FBXL17: variants seen among roughly 807,000 people sequenced by gnomAD.
FBXL17 encodes F-box/LRR-repeat protein 17.
A neutral mutation model predicts 66.2 loss-of-function variants in FBXL17; 22 were observed. The ratio of observed to expected loss-of-function variants is 0.33; its 90% CI spans 0.24 to 0.47. The LOEUF is 0.47. Ranked by LOEUF, FBXL17 falls within the 20% of genes least tolerant of loss-of-function variation. The probability of loss-of-function intolerance (pLI) is 1.00; values close to 1 mark genes in which losing one functional copy is unlikely to be tolerated. For synonymous variants in FBXL17, 474 were observed against 400.5 expected (o/e 1.18, Z -2.19); for missense variants, 878 against 948.2 (o/e 0.93, Z 0.97).
rs114291365 is a variant in FBXL17, at chr5:108,114,196, A to G, written c.1745+71921T>C. ...AGAGTTTATACTCCATTGTACGAAC[A>G]TAACATGTACATATTTTACATAATC... On this transcript the variant is annotated intron_variant, in intron 6 of 8. Coordinates refer to ENST00000542267, the MANE Select transcript of FBXL17 (RefSeq NM_001163315.3). 1.6e-3 allele frequency among the ~76,000 whole-genome samples: 250 copies of G among 152,316 alleles called. 1 individual carries two copies. The highest frequency in any genetic ancestry group is 5.8e-3 in the African/African-American group (242 of 41,580).
At chr5:107,905,546 T>C (rs933722268) in intron 7 of FBXL17, among the ~76,000 whole-genome samples, 3 of 152,192 alleles carry the variant, frequency 2.0e-5, no homozygotes, top group Non-Finnish European at 4.4e-5. Context: ...TGAGTATATA[T>C]TGTGAAAAAT....
chr5:108,129,103 G>T (rs569812026), intron 6 of FBXL17, among the ~76,000 whole-genome samples: 1 of 152,232 alleles, frequency 6.6e-6, no homozygotes, highest in African/African-American at 2.4e-5. Context: ...ACTATCATTA[G>T]TGGAAAATCT....
chr5:108,148,249 TA>T (rs1751635178), intron 6 of FBXL17, among the ~76,000 whole-genome samples: 1 of 144,798 alleles, frequency 6.9e-6, no homozygotes, highest in South Asian at 2.6e-4. Context: ...GTGTAATCAT[TA>T]AAATATCAGA....
intron 7 of FBXL17, among the ~76,000 whole-genome samples, chr5:108,008,334 T>C (rs1754017577): frequency 6.6e-6 from 1 of 152,216 alleles, no homozygotes; most frequent in African/African-American, 2.4e-5. Flanking sequence ...AGGTGTGTTA[T>C]AATGGCAAAG....
intron 7 of FBXL17, among the ~76,000 whole-genome samples, chr5:107,928,393 T>C (rs574653645): frequency 6.6e-6 from 1 of 151,162 alleles, no homozygotes; most frequent in East Asian, 1.9e-4. Context: ...TAGGATTCTT[T>C]CCAAGAGACA....
At chr5:108,096,382 C>A (rs1749368725) in intron 6 of FBXL17, among the ~76,000 whole-genome samples, 1 of 152,166 alleles carries the variant, frequency 6.6e-6, no homozygotes, top group African/African-American at 2.4e-5. Flanking sequence ...CTTAGTGTTA[C>A]AAGGCCCATT....
chr5:107,976,667 C>A (rs1023371609), intron 7 of FBXL17, among the ~76,000 whole-genome samples: 3 of 152,086 alleles, frequency 2.0e-5, no homozygotes, highest in African/African-American at 7.2e-5. Flanking sequence ...AAAAGGAACA[C>A]ATTTCATTTT....
Position 108,298,242 on chromosome 5 carries a change from T to C in FBXL17, c.1506+50157A>G, listed in dbSNP as rs1758429637. 7.1e-6 allele frequency: 7 copies of C among 984,460 alleles called. No homozygotes were observed. In the South Asian group the frequency reaches 2.4e-4, roughly 33 times the overall value. 61.0% of individuals were successfully genotyped at this position (984,460 alleles called of 1,614,324 possible). A position where few individuals can be genotyped will look rare whatever the true frequency, so the allele number is the denominator to read the frequency against. Reference sequence around the variant, plus strand: ...AATAACTTTTTGTCTATTTAAGTTATAGTCTTCTTGCTACTTCTTACTACT... The same window carrying C: ...AATAACTTTTTGTCTATTTAAGTTACAGTCTTCTTGCTACTTCTTACTACT... On this transcript the variant is annotated intron_variant, in intron 4 of 8. Coordinates refer to ENST00000542267, the MANE Select transcript of FBXL17 (RefSeq NM_001163315.3).
chr5:108,023,622 C>T (rs1163146534), intron 6 of FBXL17, among the ~76,000 whole-genome samples: 1 of 152,148 alleles, frequency 6.6e-6, no homozygotes, highest in Non-Finnish European at 1.5e-5. Context: ...CATTCTATAA[C>T]ATGCTTACAA....
chr5:107,877,864 G>A lies in FBXL17; in HGVS notation c.1965+3173C>T, dbSNP rs150336737. ...AATTTTGTTCTTTAATGCTTTGCTG[G>A]CACAGATGATCACAGACTGCCAGGA... On this transcript the variant is annotated intron_variant, in intron 8 of 8. Transcript: ENST00000542267. Among the ~76,000 whole-genome samples the A allele has an allele frequency of 8.0e-4, 122 of 152,186 alleles. 2 individuals carry two copies. The East Asian group carries it at 0.021, about 26-fold the overall frequency.
At chr5:108,226,062 C>A (rs549614977) in intron 4 of FBXL17, among the ~76,000 whole-genome samples, 2 of 152,232 alleles carry the variant, frequency 1.3e-5, no homozygotes, top group South Asian at 4.1e-4. Context: ...CTCTCCTAGT[C>A]CCTCTCTGTG....
intron 3 of FBXL17, among the ~76,000 whole-genome samples, chr5:108,351,410 G>A (rs1421070370): frequency 6.6e-6 from 1 of 152,118 alleles, no homozygotes; most frequent in African/African-American, 2.4e-5. Context: ...TCTGTAGGAA[G>A]CCCAACTAGT....
At chr5:108,088,093 CA>C (rs1432986356) in intron 6 of FBXL17, among the ~76,000 whole-genome samples, 1 of 152,052 alleles carries the variant, frequency 6.6e-6, no homozygotes, top group Non-Finnish European at 1.5e-5. Context: ...TGCTGTGAAG[CA>C]AATTTCTTTT....
At chr5:107,984,571 C>T (rs896089425) in intron 7 of FBXL17, among the ~76,000 whole-genome samples, 2 of 152,128 alleles carry the variant, frequency 1.3e-5, no homozygotes, top group African/African-American at 4.8e-5. Flanking sequence ...TGTCCTCTCC[C>T]TTTACTTGCT....
chr5:108,361,454 T>C (rs1464605593), intron 3 of FBXL17, among the ~76,000 whole-genome samples: 6 of 152,120 alleles, frequency 3.9e-5, no homozygotes, highest in African/African-American at 1.4e-4. Context: ...TTCCTGCTTG[T>C]ACTGGACCTA....
rs1006218993 is a variant in FBXL17 at position 107,917,056 on chromosome 5, G to A, written c.1823-35877C>T. On this transcript the variant is annotated intron_variant, in intron 7 of 8. Coordinates refer to ENST00000542267, the MANE Select transcript of FBXL17 (RefSeq NM_001163315.3). ...TCATAAAGACTTTTCAAAGAAACTAGTAAAAGTTCACTTTGTAAACCTTGA... is the reference window on the plus strand; with the variant it reads ...TCATAAAGACTTTTCAAAGAAACTAATAAAAGTTCACTTTGTAAACCTTGA... Among the ~76,000 whole-genome samples the A allele has an allele frequency of 6.6e-5, 10 of 152,098 alleles. 1 individual carries two copies. The highest frequency in any genetic ancestry group is 2.6e-4 in the Admixed American group (4 of 15,250).
intron 8 of FBXL17, among the ~76,000 whole-genome samples, chr5:107,877,373 T>A (rs1580673544): frequency 6.6e-6 from 1 of 152,348 alleles, no homozygotes; most frequent in East Asian, 1.9e-4. Flanking sequence ...TTTTCCCATT[T>A]GTTCTCTGCT....
At chr5:107,903,913 T>A (rs1286826110) in intron 7 of FBXL17, among the ~76,000 whole-genome samples, 2 of 152,190 alleles carry the variant, frequency 1.3e-5, no homozygotes, top group Non-Finnish European at 2.9e-5. Flanking sequence ...TAGAGCACCA[T>A]GTCACTGGTT....
At chr5:108,054,556 G>T (rs932991287) in intron 6 of FBXL17, among the ~76,000 whole-genome samples, 1 of 152,232 alleles carries the variant, frequency 6.6e-6, no homozygotes, top group Non-Finnish European at 1.5e-5. Context: ...CCACAGTGGG[G>T]TTAACTGAGG....
Sources: gnomAD v4.1 joint callset for allele counts (sites outside exome capture counted in the v4.1 genomes callset) on GRCh38, gnomAD v4.1.1 for gene constraint, MANE v1.5 for transcripts, NCBI Gene and HGNC (gene_info 2026-07-23, HGNC 2026-07-21) for gene names.